The following COL8A1 variants were observed in gnomAD, a reference collection of about 807,000 sequenced individuals.
COL8A1 encodes collagen type VIII alpha 1 chain.
A neutral mutation model predicts 42.7 loss-of-function variants in COL8A1; 21 were observed. The observed-to-expected ratio is 0.49, with a 90% CI of 0.35 to 0.71. The LOEUF (loss-of-function observed/expected upper bound fraction) is 0.71. Among genes scored for constraint, COL8A1 ranks in the 30% least tolerant of loss-of-function variants. The pLI, the probability that COL8A1 is intolerant of heterozygous loss-of-function variation, is 0.01. For missense variants in COL8A1, 788 were observed against 962.4 expected (o/e 0.82, Z 2.40); for synonymous variants, 367 against 369.1 (o/e 0.99, Z 0.06).
At chr3:99,697,673 T>C (rs542447574) in intron 1 of COL8A1, among the ~76,000 whole-genome samples, 10 of 152,316 alleles carry the variant, frequency 6.6e-5, no homozygotes, top group Admixed American at 2.0e-4. Flanking sequence ...CCAAAGATAG[T>C]TAAAAGACAT....
intron 1 of COL8A1, among the ~76,000 whole-genome samples, chr3:99,648,867 A>C (rs1373215102): frequency 6.6e-6 from 1 of 152,140 alleles, no homozygotes; most frequent in Non-Finnish European, 1.5e-5. Flanking sequence ...CCAAGCCATG[A>C]GAGTCACCTA....
chr3:99,784,467 A>G (rs938412224), intron 2 of COL8A1, among the ~76,000 whole-genome samples: 4 of 152,218 alleles, frequency 2.6e-5, no homozygotes, highest in African/African-American at 9.7e-5. Context: ...TACAAACATC[A>G]TGGAGTGTAC....
intron 2 of COL8A1, among the ~76,000 whole-genome samples, chr3:99,787,876 C>A (rs10694855): frequency 6.2e-4 from 29 of 46,576 alleles, no homozygotes; most frequent in South Asian, 2.6e-3. Flanking sequence ...ACACACACAC[C>A]CACACCCACA....
rs778500188 is a variant in COL8A1, at chr3:99,794,735, C to T, written c.834C>T (p.Gly278=). 6.2e-5 allele frequency: 99 copies of T among 1,603,086 alleles called. No individual in the cohort carries two copies. Among genetic ancestry groups the T allele is most frequent in the East Asian group, 2.2e-4 (10 of 44,754 alleles). ...LPGVGKPGVT[G]FPGPQGPLGK... ...GAGTGGGCAAACCAGGAGTGACAGG[C>T]TTCCCTGGGCCCCAGGGCCCCCTGG... The change falls in exon 4 of 4, where the codon GGC becomes GGT. Residue 278 remains glycine (G), a synonymous_variant. Coordinates refer to ENST00000652472, the MANE Select transcript of COL8A1 (RefSeq NM_020351.4). The surrounding 1 kb of genome is among the most constrained non-coding windows in gnomAD (Gnocchi z 4.3).
At chr3:99,737,809 C>A (rs1203852387) in intron 1 of COL8A1, among the ~76,000 whole-genome samples, 2 of 151,922 alleles carry the variant, frequency 1.3e-5, no homozygotes, top group Admixed American at 1.3e-4. Flanking sequence ...TGGATAATAT[C>A]CTGCAGAGTG....
chr3:99,740,623 C>T (rs1273602987), intron 1 of COL8A1, among the ~76,000 whole-genome samples: 1 of 152,172 alleles, frequency 6.6e-6, no homozygotes, highest in Non-Finnish European at 1.5e-5. Context: ...ATTCACTTAC[C>T]TCCCACTGGG....
rs148647917 is a variant in COL8A1, at chr3:99,712,628, T to C, written c.-128-32269T>C. On this transcript the variant is annotated intron_variant, in intron 1 of 3. Coordinates refer to ENST00000652472, the MANE Select transcript of COL8A1 (RefSeq NM_020351.4). Reference sequence around the variant, plus strand: ...GGCATAAAAGGAAACAGCTAAAGATTTTCCAGAAACAAGGTGAATTTGAAA... The same window carrying C: ...GGCATAAAAGGAAACAGCTAAAGATCTTCCAGAAACAAGGTGAATTTGAAA... 1.4e-4 allele frequency among the ~76,000 whole-genome samples: 22 copies of C among 152,238 alleles called. No individual in the cohort carries two copies. In the East Asian group the frequency reaches 2.9e-3, roughly 20 times the overall value.
intron 1 of COL8A1, among the ~76,000 whole-genome samples, chr3:99,708,973 C>T (rs193221320): frequency 7.9e-4 from 120 of 152,058 alleles, no homozygotes; most frequent in Middle Eastern, 3.4e-3. Flanking sequence ...TTAGACTAAC[C>T]CCTGGAAGCA....
intron 1 of COL8A1, among the ~76,000 whole-genome samples, chr3:99,735,134 C>T (rs957972919): frequency 9.1e-5 from 13 of 143,244 alleles, no homozygotes; most frequent in Admixed American, 7.0e-4. Context: ...TAATTGAATA[C>T]CCTTTATTTC....
chr3:99,753,588 CTT>C (rs1356258392), intron 2 of COL8A1, among the ~76,000 whole-genome samples: 1 of 152,134 alleles, frequency 6.6e-6, no homozygotes, highest in Non-Finnish European at 1.5e-5. Context: ...CTAGTGATGA[CTT>C]TGAATTACTG....
chr3:99,663,984 G>T (rs987371536), intron 1 of COL8A1, among the ~76,000 whole-genome samples: 1 of 152,052 alleles, frequency 6.6e-6, no homozygotes, highest in African/African-American at 2.4e-5. Flanking sequence ...TTGATTTGGG[G>T]GTTGGGAAGG....
chr3:99,670,614 T>C (rs1183465458), intron 1 of COL8A1, among the ~76,000 whole-genome samples: 1 of 152,122 alleles, frequency 6.6e-6, no homozygotes, highest in Admixed American at 6.6e-5. Context: ...TTGTCACTTT[T>C]TGTGGTGAGA....
At chr3:99,662,649 G>C (rs1938243169) in intron 1 of COL8A1, among the ~76,000 whole-genome samples, 1 of 152,170 alleles carries the variant, frequency 6.6e-6, no homozygotes, top group South Asian at 2.1e-4. Flanking sequence ...TGGGTGACTT[G>C]CAACAGTTCT....
chr3:99,754,796 T>G (rs958880678), intron 2 of COL8A1, among the ~76,000 whole-genome samples: 3 of 152,194 alleles, frequency 2.0e-5, no homozygotes, highest in Middle Eastern at 3.2e-3. Context: ...TCCTTTTAGC[T>G]CCTTATCTAA....
At chr3:99,767,194 A>G (rs34267913) in intron 2 of COL8A1, among the ~76,000 whole-genome samples, 12,121 of 152,254 alleles carry the variant, frequency 0.08, 579 homozygotes, top group Middle Eastern at 0.11. Flanking sequence ...ACTTTTTACA[A>G]TACAACTTCA....
intron 1 of COL8A1, among the ~76,000 whole-genome samples, chr3:99,673,015 T>A (rs1045191823): frequency 6.6e-6 from 1 of 152,006 alleles, no homozygotes; most frequent in African/African-American, 2.4e-5. Flanking sequence ...GAAGATCATC[T>A]CTTTCCATTC....
At chr3:99,712,054 C>T (rs955794645) in intron 1 of COL8A1, among the ~76,000 whole-genome samples, 70 of 152,134 alleles carry the variant, frequency 4.6e-4, no homozygotes, top group African/African-American at 1.5e-3. Context: ...GTGAGCAAAA[C>T]AGAAAACCTG....
intron 2 of COL8A1, among the ~76,000 whole-genome samples, chr3:99,748,211 C>T (rs778540965): frequency 6.6e-6 from 1 of 152,206 alleles, no homozygotes; most frequent in Admixed American, 6.5e-5. Context: ...CTTTCCTCTA[C>T]ACCACATTGC....
rs776879409 is a variant in COL8A1 at position 99,795,899 on chromosome 3, C to T, written c.1998C>T (p.His666=). ...CTGGTGTCTACTACTTTGCATACCA[C>T]GTTCACTGCAAGGGGGGCAACGTGT... ...EVPGVYYFAY[H]VHCKGGNVWV... Residue 666 remains histidine, a synonymous_variant, in exon 4 of 4, where the codon CAC becomes CAT. Coordinates refer to ENST00000652472, the MANE Select transcript of COL8A1 (RefSeq NM_020351.4). 1.6e-5 allele frequency: 26 copies of T among 1,614,192 alleles called. No homozygotes were observed. The highest frequency in any genetic ancestry group is 2.2e-5 in the East Asian group (1 of 44,886).
Sources: allele counts gnomAD v4.1 joint callset (sites outside exome capture counted in the v4.1 genomes callset), GRCh38; gene constraint gnomAD v4.1.1; non-coding constraint Gnocchi (gnomAD v3.1); transcripts MANE v1.5; gene names NCBI Gene and HGNC (gene_info 2026-07-23, HGNC 2026-07-21).